The following ROBO2 variants were observed in gnomAD, a reference collection of about 807,000 sequenced individuals.
The protein encoded by ROBO2 is roundabout homolog 2.
Under a neutral mutation model 160.8 loss-of-function variants are expected in ROBO2, and 53 were observed. That is an observed-to-expected ratio of 0.33 (90% CI 0.26 to 0.41). The LOEUF is 0.41. Among genes scored for constraint, ROBO2 ranks in the 10% least tolerant of loss-of-function variants. ROBO2 has a pLI of 1.00. For missense variants in ROBO2, 1,577 were observed against 1,722.4 expected, an observed-to-expected ratio of 0.92 and a Z score of 1.49; for synonymous variants, 664 against 611.7, an observed-to-expected ratio of 1.09 and a Z score of -1.26.
intron 2 of ROBO2, among the ~76,000 whole-genome samples, chr3:76,436,424 C>G (rs542661866): frequency 5.9e-5 from 9 of 152,178 alleles, no homozygotes; most frequent in Admixed American, 5.9e-4. Context: ...TGTCCAAGCA[C>G]CTGAACAGAG....
chr3:77,055,986 A>G (rs1338960935), intron 1 of ROBO2, among the ~76,000 whole-genome samples: 1 of 152,230 alleles, frequency 6.6e-6, no homozygotes, highest in Non-Finnish European at 1.5e-5. Flanking sequence ...AATACCAGCA[A>G]TGTCTTTTGA....
intron 2 of ROBO2, among the ~76,000 whole-genome samples, chr3:77,372,837 A>G (rs911735906): frequency 2.6e-5 from 4 of 152,120 alleles, no homozygotes; most frequent in Non-Finnish European, 4.4e-5. Flanking sequence ...TATTACTACA[A>G]GATTTCTAAG....
chr3:76,032,192 C>T (rs897815606), intron 2 of ROBO2, among the ~76,000 whole-genome samples: 6 of 152,126 alleles, frequency 3.9e-5, no homozygotes, highest in Middle Eastern at 3.4e-3. Flanking sequence ...TCTGTGGGAT[C>T]GGTGGTGATA....
At chr3:76,700,006 A>C (rs775497073) in intron 2 of ROBO2, among the ~76,000 whole-genome samples, 7 of 152,098 alleles carry the variant, frequency 4.6e-5, no homozygotes, top group Non-Finnish European at 1.0e-4. Flanking sequence ...AATAAGAGAA[A>C]GAAAAATAGC....
chr3:76,244,404 A>T (rs896663593), intron 2 of ROBO2, among the ~76,000 whole-genome samples: 3 of 152,180 alleles, frequency 2.0e-5, no homozygotes, highest in Non-Finnish European at 2.9e-5. Flanking sequence ...TGTTGCCTGG[A>T]AGGTGGACAG....
At chr3:77,401,162 CT>C (rs1438960035) in intron 2 of ROBO2, among the ~76,000 whole-genome samples, 1 of 151,510 alleles carries the variant, frequency 6.6e-6, no homozygotes, top group Non-Finnish European at 1.5e-5. Context: ...CTCATCAGTC[CT>C]TGCAGTTTAT....
chr3:76,688,369 C>T (rs887628756), intron 2 of ROBO2, among the ~76,000 whole-genome samples: 2 of 151,560 alleles, frequency 1.3e-5, no homozygotes, highest in Admixed American at 6.6e-5. Flanking sequence ...ACAAGCCATG[C>T]AAAGTAATTC....
chr3:76,471,506 A>C (rs2078654395), intron 2 of ROBO2, among the ~76,000 whole-genome samples: 1 of 152,162 alleles, frequency 6.6e-6, no homozygotes, highest in Non-Finnish European at 1.5e-5. Flanking sequence ...CAATAAAGAT[A>C]TTTAAAACTG....
At chr3:77,423,831 A>G (rs977456876) in intron 2 of ROBO2, among the ~76,000 whole-genome samples, 1 of 152,180 alleles carries the variant, frequency 6.6e-6, no homozygotes, top group African/African-American at 2.4e-5. Context: ...TAACGTTATG[A>G]CTTACTGTGT....
intron 23 of ROBO2, chr3:77,629,628 C>T (rs2095113965): frequency 6.6e-6 from 1 of 152,100 alleles, no homozygotes; most frequent in African/African-American, 2.4e-5. Flanking sequence ...TATATCAAAG[C>T]ATAACCAATA....
chr3:76,476,436 C>A (rs2107210930), intron 2 of ROBO2, among the ~76,000 whole-genome samples: 1 of 152,268 alleles, frequency 6.6e-6, no homozygotes, highest in Non-Finnish European at 1.5e-5. Context: ...ACCTTCCTCT[C>A]TGATGATGTC....
At chr3:76,824,456 C>T (rs2066398690) in intron 2 of ROBO2, among the ~76,000 whole-genome samples, 1 of 152,182 alleles carries the variant, frequency 6.6e-6, no homozygotes, top group African/African-American at 2.4e-5. Context: ...AGTGCTGCCA[C>T]ACCAGTTTCT....
At chr3:76,069,039 A>ATC (rs370195358) in intron 2 of ROBO2, among the ~76,000 whole-genome samples, 55,051 of 151,688 alleles carry the variant, frequency 0.36, 10,712 homozygotes, top group South Asian at 0.58. Flanking sequence ...CTCTATTTAA[A>ATC]TGCATTTTCT....
At chr3:77,179,977 G>C (rs538180265) in intron 2 of ROBO2, among the ~76,000 whole-genome samples, 7 of 152,192 alleles carry the variant, frequency 4.6e-5, no homozygotes, top group South Asian at 4.1e-4. Context: ...GGTATTGACT[G>C]AACCCTGGGC....
intron 2 of ROBO2, among the ~76,000 whole-genome samples, chr3:77,237,357 A>G (rs1030223807): frequency 1.4e-5 from 2 of 147,594 alleles, no homozygotes; most frequent in Admixed American, 6.8e-5. Flanking sequence ...ACGCCACCAT[A>G]CCTAGCTTTT....
chr3:76,077,735 T>A (rs568717386), intron 2 of ROBO2, among the ~76,000 whole-genome samples: 2 of 152,100 alleles, frequency 1.3e-5, no homozygotes, highest in African/African-American at 4.8e-5. Flanking sequence ...TAAGAAACTT[T>A]AGATGTAAAG....
intron 2 of ROBO2, among the ~76,000 whole-genome samples, chr3:76,724,583 A>G (rs1210853798): frequency 6.6e-6 from 1 of 152,172 alleles, no homozygotes; most frequent in Non-Finnish European, 1.5e-5. Flanking sequence ...TTCTTTCAGC[A>G]GGTGATCTTG....
intron 2 of ROBO2, among the ~76,000 whole-genome samples, chr3:76,872,030 G>C (rs1490570950): frequency 1.3e-5 from 2 of 151,768 alleles, no homozygotes; most frequent in African/African-American, 4.8e-5. Context: ...CTGGAGATTT[G>C]TCATAAATGT....
At chr3:76,344,776 A>AG (rs1401776181) in intron 2 of ROBO2, among the ~76,000 whole-genome samples, 1 of 152,200 alleles carries the variant, frequency 6.6e-6, no homozygotes, top group African/African-American at 2.4e-5. Flanking sequence ...ATGTGCTGAG[A>AG]GAAAAACCAG....
Sources: gnomAD v4.1 joint callset for allele counts (sites outside exome capture counted in the v4.1 genomes callset) on GRCh38, gnomAD v4.1.1 for gene constraint, MANE v1.5 for transcripts, NCBI Gene and HGNC (gene_info 2026-07-23, HGNC 2026-07-21) for gene names.